Variants in PRSS12 observed in about 807,000 individuals in gnomAD.
PRSS12 encodes the protein serine protease 12, also known as neurotrypsin.
PRSS12 carries 85 observed loss-of-function variants against 104.4 expected under a neutral mutation model. That is an observed-to-expected ratio of 0.81 (90% CI 0.68 to 0.98). The LOEUF is 0.98. Ranked by LOEUF, PRSS12 falls within the 50% of genes least tolerant of loss-of-function variation. The probability of loss-of-function intolerance (pLI) is 0.00; values close to 1 mark genes in which losing one functional copy is unlikely to be tolerated. For missense variants in PRSS12, 1,141 were observed against 1,139.2 expected (o/e 1.00, Z -0.02); for synonymous variants, 454 against 425.2 (o/e 1.07, Z -0.83).
chr4:118,293,059 T>C (rs1462625075), intron 11 of PRSS12, among the ~76,000 whole-genome samples: 2 of 151,352 alleles, frequency 1.3e-5, no homozygotes, highest in Non-Finnish European at 2.9e-5. Context: ...AAAATACATA[T>C]TATCTGCAGC....
intron 11 of PRSS12, among the ~76,000 whole-genome samples, chr4:118,287,849 T>A (rs978875309): frequency 6.6e-6 from 1 of 152,232 alleles, no homozygotes; most frequent in African/African-American, 2.4e-5. Flanking sequence ...CATTTCAGGT[T>A]TTGGCTGACA....
chr4:118,291,832 G>A (rs1015193857), intron 11 of PRSS12, among the ~76,000 whole-genome samples: 40 of 152,190 alleles, frequency 2.6e-4, no homozygotes, highest in Non-Finnish European at 1.0e-4. Context: ...GTTGCAGGAC[G>A]CTAAAACCAG....
intron 8 of PRSS12, among the ~76,000 whole-genome samples, chr4:118,301,430 G>A (rs186251879): frequency 9.9e-5 from 15 of 152,252 alleles, no homozygotes; most frequent in Admixed American, 3.9e-4. Context: ...CACTGCTGCA[G>A]TGTCACTGAC....
intron 4 of PRSS12, among the ~76,000 whole-genome samples, chr4:118,322,087 A>G (rs1275217115): frequency 5.9e-5 from 9 of 152,224 alleles, no homozygotes; most frequent in Admixed American, 5.9e-4. Flanking sequence ...CTGTTGTGCC[A>G]AAATAAAACG....
Position 118,346,100 on chromosome 4 carries a change from T to C in PRSS12, c.502+6119A>G, listed in dbSNP as rs1724347085. 1.3e-5 allele frequency among the ~76,000 whole-genome samples: 2 copies of C among 152,168 alleles called. 1 individual carries two copies. The highest frequency in any genetic ancestry group is 4.1e-4 in the South Asian group (2 of 4,828). ...AGAGGGGCTCTCTTCCTTCTGCAGA[T>C]TGTTCTATCTCTAAGTGAAGCCTGG... On this transcript the variant is annotated intron_variant, in intron 1 of 12. Coordinates refer to ENST00000296498, the MANE Select transcript of PRSS12 (RefSeq NM_003619.4).
intron 4 of PRSS12, among the ~76,000 whole-genome samples, chr4:118,321,528 G>A (rs1578924716): frequency 6.6e-6 from 1 of 152,194 alleles, no homozygotes; most frequent in Non-Finnish European, 1.5e-5. Context: ...TGAACACAGG[G>A]ATGATAACGG....
chr4:118,352,253 G>A lies in PRSS12; in HGVS notation c.468C>T (p.Gly156=), dbSNP rs1357941471. 1.9e-6 allele frequency: 3 copies of A among 1,611,730 alleles called. No individual in the cohort carries two copies. The highest frequency in any genetic ancestry group is 2.5e-6 in the Non-Finnish European group (3 of 1,179,668). Residue 156 remains glycine (G), a synonymous_variant, in exon 1 of 13, where the codon GGC becomes GGT. Coordinates refer to ENST00000296498, the MANE Select transcript of PRSS12 (RefSeq NM_003619.4). ...AGTCGCAGTAGCCCCAGTCCACCTT[G>A]CCACGGGCGTCTCCGTAGAAACACC... The part of the protein sequence containing the change: ...RPWCFYGDAR[G]KVDWGYCDCR...
Position 118,283,035 on chromosome 4 carries a change from C to A in PRSS12, c.2116G>T (p.Glu706Ter), listed in dbSNP as rs199541556. ...HTLVPEEFEEEIGVQQIVIHR... is the reference protein window; with the variant it reads ...HTLVPEEFEE ...ATCACAATCTGTTGAACTCCAATTT[C>A]TTCCTCAAACTCCTCTGGTACCAGA... Residue 706 changes from glutamate to a stop codon, truncating the protein, a stop_gained, in exon 12 of 13, where the codon GAA becomes TAA. Coordinates refer to ENST00000296498, the MANE Select transcript of PRSS12 (RefSeq NM_003619.4). LOFTEE classifies it high-confidence loss of function. 90 of 1,614,080 alleles carry A rather than the reference C, an allele frequency of 5.6e-5. No individual in the cohort carries two copies. Among genetic ancestry groups the A allele is most frequent in the Non-Finnish European group, 7.4e-5 (87 of 1,180,054 alleles).
chr4:118,331,622 G>C (rs1364046901), intron 4 of PRSS12, 94 bp downstream of exon 4: 2 of 1,523,112 alleles, frequency 1.3e-6, no homozygotes, highest in Admixed American at 3.6e-5. Context: ...ATTTGTTCAA[G>C]GAAATGTGCA....
At chr4:118,320,620 G>A (rs1723587815) in intron 4 of PRSS12, among the ~76,000 whole-genome samples, 1 of 151,992 alleles carries the variant, frequency 6.6e-6, no homozygotes, top group Admixed American at 6.6e-5. Flanking sequence ...AGGTGTGGTG[G>A]CACACACCTG....
rs1043307411 is a variant in PRSS12, at chr4:118,298,564, C to T, written c.1837+169G>A. 3.9e-5 allele frequency among the ~76,000 whole-genome samples: 6 copies of T among 152,320 alleles called. No homozygotes were observed. The East Asian group carries it at 1.2e-3, about 29-fold the overall frequency. ...CCCTGAACCTTGTTCTGCCTGTCAGCCCCACCTAGGCAAGTTTGCCAAGAA... is the reference window on the plus strand; with the variant it reads ...CCCTGAACCTTGTTCTGCCTGTCAGTCCCACCTAGGCAAGTTTGCCAAGAA... On this transcript the variant is annotated intron_variant, in intron 9 of 12. Coordinates refer to ENST00000296498, the MANE Select transcript of PRSS12 (RefSeq NM_003619.4).
At chr4:118,303,418 A>G (rs2126030487) in intron 8 of PRSS12, 1 of 152,306 alleles carries the variant, frequency 6.6e-6, no homozygotes, top group South Asian at 2.1e-4. Flanking sequence ...CATTTTAGAT[A>G]TATCAATAAG....
chr4:118,351,069 G>T (rs1455795879), intron 1 of PRSS12, among the ~76,000 whole-genome samples: 1 of 152,074 alleles, frequency 6.6e-6, no homozygotes, highest in Non-Finnish European at 1.5e-5. Context: ...CTTCATTCCC[G>T]AGGATAAAGG....
chr4:118,319,395 G>A (rs902264281), intron 4 of PRSS12, among the ~76,000 whole-genome samples: 8 of 151,994 alleles, frequency 5.3e-5, no homozygotes, highest in African/African-American at 9.7e-5. Context: ...ATATTTAGGT[G>A]GAAGTACCAT....
chr4:118,291,636 GCA>G (rs1439455657), intron 11 of PRSS12, among the ~76,000 whole-genome samples: 1 of 151,976 alleles, frequency 6.6e-6, no homozygotes, highest in Non-Finnish European at 1.5e-5. Context: ...TCATTGTGTG[GCA>G]CACAGAACTG....
At position 118,295,766 on chromosome 4, in the gene PRSS12, A is replaced by G. The variant is rs181703240; in HGVS notation, c.1916+12T>C. The G allele has an allele frequency of 6.2e-7, 1 of 1,604,706 alleles. No individual in the cohort carries two copies. Among genetic ancestry groups the G allele is most frequent in the East Asian group, 2.2e-5 (1 of 44,838 alleles). On this transcript the variant is annotated intron_variant, in intron 10 of 12. Coordinates refer to ENST00000296498, the MANE Select transcript of PRSS12 (RefSeq NM_003619.4). ...CTGTAATATAAAAAATCTCTTTTGG[A>G]GGAACATTTACCTTAAAGAATTTTT... is the stretch of plus-strand genomic sequence containing the variant.
At chr4:118,349,074 TC>T (rs140397291) in intron 1 of PRSS12, among the ~76,000 whole-genome samples, 6,217 of 152,098 alleles carry the variant, frequency 0.041, 211 homozygotes, top group South Asian at 0.14. Context: ...TCACCTGAGG[TC>T]CCCACCCTGC....
chr4:118,334,947 G>C (rs1724023738), intron 3 of PRSS12, among the ~76,000 whole-genome samples: 1 of 152,070 alleles, frequency 6.6e-6, no homozygotes, highest in African/African-American at 2.4e-5. Context: ...AACCCATACT[G>C]ATAATTACCA....
At position 118,282,864 on chromosome 4, in the gene PRSS12, A is replaced by G; in HGVS notation, c.2287T>C (p.Ser763Pro). The G allele has an allele frequency of 1.9e-6, 3 of 1,614,192 alleles. No homozygotes were observed. Among genetic ancestry groups the G allele is most frequent in the Non-Finnish European group, 2.5e-6 (3 of 1,180,040 alleles). Reference sequence around the variant, plus strand: ...CCCCATCCTGTTATGTAACAGTTGGATGCTGTTTTCTGTGGCCTCTCTCTC... The same window carrying G: ...CCCCATCCTGTTATGTAACAGTTGGGTGCTGTTTTCTGTGGCCTCTCTCTC... The part of the protein sequence containing the change: ...LWRERPQKTA[S>P]NCYITGWGDT... Residue 763 changes from serine (S) to proline (P), a missense_variant, in exon 12 of 13, where the codon TCC becomes CCC. Ser to Pro is a moderately conservative substitution (Grantham distance 74). Transcript: ENST00000296498.
Sources: allele counts gnomAD v4.1 joint callset (sites outside exome capture counted in the v4.1 genomes callset), GRCh38; gene constraint gnomAD v4.1.1; transcripts MANE v1.5; gene names NCBI Gene and HGNC (gene_info 2026-07-23, HGNC 2026-07-21).